The following CACNA1E variants were observed in gnomAD, a reference collection of about 807,000 sequenced individuals.
CACNA1E encodes the protein calcium voltage-gated channel subunit alpha1 E, also known as voltage-dependent R-type calcium channel subunit alpha-1E.
Under a neutral mutation model 259.2 loss-of-function variants are expected in CACNA1E, and 40 were observed. The ratio of observed to expected loss-of-function variants is 0.15; its 90% confidence interval spans 0.12 to 0.20. The LOEUF (loss-of-function observed/expected upper bound fraction) is 0.20, where lower values mean the gene tolerates loss of function less well. CACNA1E is among the 10% of genes least tolerant of loss of function. The pLI, the probability that CACNA1E is intolerant of heterozygous loss-of-function variation, is 1.00. For missense variants in CACNA1E, 1,874 were observed against 3,040.1 expected (o/e 0.62, Z 9.02); for synonymous variants, 1,104 against 1,138.5 (o/e 0.97, Z 0.61).
At chr1:181,449,831 T>C (rs1661032278) in intron 2 of CACNA1E, among the ~76,000 whole-genome samples, 1 of 152,216 alleles carries the variant, frequency 6.6e-6, no homozygotes, top group South Asian at 2.1e-4. Flanking sequence ...TATTTCTCAA[T>C]TAAAATGGCA....
At chr1:181,523,067 T>G (rs1055080615) in intron 3 of CACNA1E, among the ~76,000 whole-genome samples, 4 of 152,230 alleles carry the variant, frequency 2.6e-5, no homozygotes, top group African/African-American at 9.6e-5. Context: ...GTGGTGTGTA[T>G]GAGAGACTCA....
intron 6 of CACNA1E, among the ~76,000 whole-genome samples, chr1:181,641,634 C>T (rs916383482): frequency 6.7e-6 from 1 of 150,032 alleles, no homozygotes; most frequent in South Asian, 2.1e-4. Flanking sequence ...TCAGAGGAAA[C>T]GAGAGACAAT....
chr1:181,592,055 C>T (rs750422170), intron 6 of CACNA1E, among the ~76,000 whole-genome samples: 1 of 152,156 alleles, frequency 6.6e-6, no homozygotes, highest in Non-Finnish European at 1.5e-5. Flanking sequence ...CTTGGAATTA[C>T]CTCCAAAACT....
At chr1:181,388,890 T>A (rs1307464197) in intron 1 of CACNA1E, among the ~76,000 whole-genome samples, 1 of 146,646 alleles carries the variant, frequency 6.8e-6, no homozygotes, top group East Asian at 2.0e-4. Flanking sequence ...AAACTCCATC[T>A]CCAAAAAAAA....
At chr1:181,358,849 T>C (rs1191665338) in intron 1 of CACNA1E, among the ~76,000 whole-genome samples, 1 of 152,240 alleles carries the variant, frequency 6.6e-6, no homozygotes, top group African/African-American at 2.4e-5. Flanking sequence ...ACCAGTCTAA[T>C]GCATATGCCA....
chr1:181,369,808 C>A (rs1444896522), intron 1 of CACNA1E, among the ~76,000 whole-genome samples: 1 of 152,142 alleles, frequency 6.6e-6, no homozygotes, highest in African/African-American at 2.4e-5. Context: ...TTAAAAAAAT[C>A]TTTTATTTTA....
intron 7 of CACNA1E, among the ~76,000 whole-genome samples, chr1:181,653,306 A>G (rs536645820): frequency 2.4e-4 from 37 of 152,144 alleles, no homozygotes; most frequent in African/African-American, 8.7e-4. Context: ...GAGGTAATTG[A>G]ATCATGGAGG....
In CACNA1E at chr1:181,383,484, G is replaced by A. The variant is rs1267029567; in HGVS notation, c.-14-29649G>A. 5.9e-5 allele frequency among the ~76,000 whole-genome samples: 9 copies of A among 152,202 alleles called. 1 individual carries two copies. Among genetic ancestry groups the A allele is most frequent in the Admixed American group, 5.9e-4 (9 of 15,282 alleles). On this transcript the variant is annotated intron_variant, in intron 1 of 11. Transcript: ENST00000524607. The stretch of plus-strand genomic sequence containing the variant: ...TAAACGGAGCAGTTGGGAGTGCTTA[G>A]AACTAAGAAAGTATGTGTGTGGCAA...
At chr1:181,716,219 G>A in intron 10 of CACNA1E, 90 bp downstream of exon 10, 4 of 680,578 alleles carry the variant, frequency 5.9e-6, no homozygotes, top group Non-Finnish European at 9.8e-6. Context: ...AGGAGGGAAA[G>A]AATCCAAAGG....
At chr1:181,394,657 G>T (rs1041156294) in intron 1 of CACNA1E, among the ~76,000 whole-genome samples, 3 of 152,208 alleles carry the variant, frequency 2.0e-5, no homozygotes, top group Admixed American at 1.3e-4. Flanking sequence ...TGAGGGTGGG[G>T]CAGTGTGCAG....
intron 38 of CACNA1E, among the ~76,000 whole-genome samples, chr1:181,779,766 T>C (rs1358607824): frequency 6.6e-6 from 1 of 151,514 alleles, no homozygotes; most frequent in Admixed American, 6.6e-5. Context: ...TGAAGACCAG[T>C]GTGATCGCTC....
intron 1 of CACNA1E, among the ~76,000 whole-genome samples, chr1:181,352,404 G>C (rs1310935400): frequency 6.6e-6 from 1 of 152,066 alleles, no homozygotes; most frequent in Non-Finnish European, 1.5e-5. Context: ...CTTGTTGGTA[G>C]GTTTTAAGAA....
chr1:181,447,394 A>G lies in CACNA1E; in HGVS notation c.434+33814A>G, dbSNP rs143104355. 3.5e-3 allele frequency among the ~76,000 whole-genome samples: 535 copies of G among 151,846 alleles called. 3 individuals carry two copies. The highest frequency in any genetic ancestry group is 0.011 in the African/African-American group (447 of 41,438). ...AAAAGAAAAAAAAAATTAGCCAGGC[A>G]TGGTGGTGTGCCTGTAGTCCCAGTT... On this transcript the variant is annotated intron_variant, in intron 2 of 11. Coordinates refer to the CACNA1E transcript ENST00000524607.
At chr1:181,503,143 A>G (rs1047191457) in intron 1 of CACNA1E, among the ~76,000 whole-genome samples, 2 of 152,270 alleles carry the variant, frequency 1.3e-5, no homozygotes, top group East Asian at 1.9e-4. Context: ...AGTGATGGTC[A>G]TAACTATTGC....
At chr1:181,423,074 T>C (rs960442068) in intron 2 of CACNA1E, among the ~76,000 whole-genome samples, 1 of 152,164 alleles carries the variant, frequency 6.6e-6, no homozygotes, top group Non-Finnish European at 1.5e-5. Flanking sequence ...AAGGTTCATA[T>C]CCAAATTACG....
In CACNA1E at chr1:181,411,949, C is replaced by G. The variant is rs149426777; in HGVS notation, c.-14-1184C>G. Among the ~76,000 whole-genome samples the G allele has an allele frequency of 7.2e-3, 1,095 of 152,364 alleles. 12 individuals are homozygous for G. The highest frequency in any genetic ancestry group is 0.025 in the African/African-American group (1,034 of 41,588). ...TGTGCTCCTCTAGCAATCAGGCCTA[C>G]GCCAATCATAGCACATTCTGTGATG... On this transcript the variant is annotated intron_variant, in intron 1 of 11. Transcript: ENST00000524607.
chr1:181,715,379 T>C lies in CACNA1E; in HGVS notation c.1213T>C (p.Ser405Pro). 6.3e-7 allele frequency: 1 copy of C among 1,595,590 alleles called. No homozygotes were observed. The change falls in exon 9 of 48, where the codon TCC (serine) becomes CCC (proline). Residue 405 changes from serine to proline, a missense_variant. Coordinates refer to ENST00000367573, the MANE Select transcript of CACNA1E (RefSeq NM_001205293.3). ...LAEENKNAGT[S>P]ALEVLRRATI... ...TGAAGAAAATAAAAATGCTGGAACA[T>C]CCGCCTTAGAAGGTAAGGAAATGTT... is the stretch of plus-strand genomic sequence containing the variant.
chr1:181,321,541 T>C lies in CACNA1E; in HGVS notation c.-15+3418T>C, dbSNP rs140393864. 4.7e-3 allele frequency among the ~76,000 whole-genome samples: 709 copies of C among 152,326 alleles called. 4 individuals are homozygous for C. The highest frequency in any genetic ancestry group is 7.7e-3 in the Non-Finnish European group (526 of 68,010). On this transcript the variant is annotated intron_variant, in intron 1 of 11. Transcript: ENST00000524607. ...GGAAAAGGCCTTCTCACTCCTTGGC[T>C]TCCCCAGAAATAGTTCTGTAGACTA...
At chr1:181,501,281 G>A (rs675937) in intron 1 of CACNA1E, among the ~76,000 whole-genome samples, 4,305 of 152,288 alleles carry the variant, frequency 0.028, 129 homozygotes, top group East Asian at 0.13. Context: ...AGTGGGAGGA[G>A]GGAGGGAGAC....
Sources: allele counts gnomAD v4.1 joint callset (sites outside exome capture counted in the v4.1 genomes callset), GRCh38; gene constraint gnomAD v4.1.1; transcripts MANE v1.5; gene names NCBI Gene and HGNC (gene_info 2026-07-23, HGNC 2026-07-21).